Variants in PPM1F observed in about 807,000 individuals in gnomAD.
PPM1F encodes the protein protein phosphatase, Mg2+/Mn2+ dependent 1F, also known as protein phosphatase 1F.
In PPM1F, 17 loss-of-function variants were observed where a neutral mutation model predicts 35.5. The ratio of observed to expected loss-of-function variants is 0.48; its 90% CI spans 0.33 to 0.72. PPM1F has a LOEUF of 0.72. PPM1F is among the 30% of genes least tolerant of loss of function. The pLI is 0.02. For missense variants in PPM1F, 521 were observed against 613.0 expected, an observed-to-expected ratio of 0.85 and a Z score of 1.59; for synonymous variants, 241 against 255.5, an observed-to-expected ratio of 0.94 and a Z score of 0.54.
At chr22:21,949,255 T>C (rs2070810424) in intron 1 of PPM1F, 2 of 152,176 alleles carry the variant, frequency 1.3e-5, no homozygotes, top group Admixed American at 1.3e-4. Flanking sequence ...CCCAGGGCCA[T>C]CTTACTTGCT....
intron 6 of PPM1F, among the ~76,000 whole-genome samples, chr22:21,929,811 C>T (rs1475965656): frequency 6.6e-6 from 1 of 152,170 alleles, no homozygotes; most frequent in African/African-American, 2.4e-5. Context: ...AGACCGTGAG[C>T]CGCAGTGAAA....
chr22:21,930,525 T>C (rs923870723), intron 6 of PPM1F, among the ~76,000 whole-genome samples: 21 of 152,224 alleles, frequency 1.4e-4, no homozygotes, highest in African/African-American at 5.1e-4. Context: ...TCCTATGTGC[T>C]GACGTAGAAT....
Position 21,939,381 on chromosome 22 carries a change from G to A in PPM1F, c.355+151C>T, listed in dbSNP as rs1450027505. 2.1e-5 allele frequency: 22 copies of A among 1,043,374 alleles called. No individual in the cohort carries two copies. Among genetic ancestry groups the A allele is most frequent in the Non-Finnish European group, 2.8e-5 (20 of 724,356 alleles). The allele number at this position is 1,043,374 out of a possible 1,614,324, so 64.6% of individuals were successfully genotyped here. A position where few individuals can be genotyped will look rare whatever the true frequency, so the allele number is the denominator to read the frequency against. On this transcript the variant is annotated intron_variant, in intron 3 of 7. Transcript: ENST00000263212. This position sits in a 1 kb window ranked among gnomAD's most constrained non-coding sequence, Gnocchi z 5.1. The stretch of plus-strand genomic sequence containing the variant: ...CGCCACCCTCCACCTCACTGGGGCC[G>A]CAAGCCTTCTCTGCTCCTTGATTCT...
At position 21,946,107 on chromosome 22, in the gene PPM1F, C is replaced by T. The variant is rs1255675428; in HGVS notation, c.-59G>A. The T allele has an allele frequency of 7.2e-7, 1 of 1,381,790 alleles. No individual in the cohort carries two copies. The allele number at this position is 1,381,790 out of a possible 1,614,324, so 85.6% of individuals were successfully genotyped here. On this transcript the variant is annotated splice_region_variant and 5_prime_UTR_variant, in exon 2 of 8. The change creates a new upstream start codon in the 5' untranslated region. Transcript: ENST00000263212. ...AGGGCAAGAGGGTCTCCAGGCTTCA[C>T]CCTGGGGAGAAATGTCAGAGTCAGC...
intron 6 of PPM1F, among the ~76,000 whole-genome samples, chr22:21,927,727 C>T (rs1387666524): frequency 6.6e-6 from 1 of 152,238 alleles, no homozygotes; most frequent in Non-Finnish European, 1.5e-5. Context: ...CCATTCTGCA[C>T]CCCCTGTGCT....
At position 21,939,422 on chromosome 22, in the gene PPM1F, G is replaced by A. The variant is rs968714307; in HGVS notation, c.355+110C>T. 9.2e-6 allele frequency: 13 copies of A among 1,406,290 alleles called. No individual in the cohort carries two copies. The highest frequency in any genetic ancestry group is 2.2e-5 in the Admixed American group (1 of 45,752). 87.1% of individuals were successfully genotyped at this position (1,406,290 alleles called of 1,614,324 possible). A position where few individuals can be genotyped will look rare whatever the true frequency, so the allele number is the denominator to read the frequency against. On this transcript the variant is annotated intron_variant, in intron 3 of 7. Transcript: ENST00000263212. This position sits in a 1 kb window ranked among gnomAD's most constrained non-coding sequence, Gnocchi z 5.1. Reference sequence around the variant, plus strand: ...CCTTGATTCTGCTGCCGTTGTGAGCGAGGGCCCCAGCACCCTTAGGGACCC... The same window carrying A: ...CCTTGATTCTGCTGCCGTTGTGAGCAAGGGCCCCAGCACCCTTAGGGACCC...
rs1297467045 is a variant in PPM1F, at chr22:21,939,768, A to G, written c.207-88T>C. The G allele has an allele frequency of 6.8e-7, 1 of 1,481,076 alleles. No homozygotes were observed. The highest frequency in any genetic ancestry group is 1.4e-5 in the African/African-American group (1 of 71,708). The allele number at this position is 1,481,076 out of a possible 1,614,324, so 91.7% of individuals were successfully genotyped here. A position where few individuals can be genotyped will look rare whatever the true frequency, so the allele number is the denominator to read the frequency against. On this transcript the variant is annotated intron_variant, in intron 2 of 7. Transcript: ENST00000263212. The surrounding 1 kb of genome is among the most constrained non-coding windows in gnomAD (Gnocchi z 5.1). The stretch of plus-strand genomic sequence containing the variant: ...TCCCCAACTGTCAGCCCACATGCTG[A>G]GGGGTCACGGCCAGCAGGGCGGCCC...
At chr22:21,930,770 C>T (rs960337077) in intron 6 of PPM1F, among the ~76,000 whole-genome samples, 1 of 152,194 alleles carries the variant, frequency 6.6e-6, no homozygotes, top group South Asian at 2.1e-4. Context: ...AGTACAGCCC[C>T]AAGCCAGGTT....
rs117226482 is a variant in PPM1F, at chr22:21,939,157, C to T, written c.355+375G>A. On this transcript the variant is annotated intron_variant, in intron 3 of 7. Coordinates refer to ENST00000263212, the MANE Select transcript of PPM1F (RefSeq NM_014634.4). The surrounding 1 kb of genome is among the most constrained non-coding windows in gnomAD (Gnocchi z 5.1). ...GCCCGGGCGCATGTTAACTGAGTTACAACACTGAGGGCACTTGAACCTGGC... is the reference window on the plus strand; with the variant it reads ...GCCCGGGCGCATGTTAACTGAGTTATAACACTGAGGGCACTTGAACCTGGC... 1.9e-4 allele frequency: 35 copies of T among 187,224 alleles called. No homozygotes were observed. In the East Asian group the frequency reaches 5.3e-3, roughly 28 times the overall value. The allele number at this position is 187,224 out of a possible 1,614,324, so 11.6% of individuals were successfully genotyped here.
chr22:21,937,968 C>T (rs1049128569), intron 3 of PPM1F: 1 of 711,922 alleles, frequency 1.4e-6, no homozygotes, highest in Non-Finnish European at 2.0e-6. Context: ...AATCCCCACT[C>T]TGACGCAATT....
chr22:21,923,190 C>T lies in PPM1F; in HGVS notation c.1267G>A (p.Gly423Arg), dbSNP rs1194903845. The change falls in exon 8 of 8, where the codon GGG becomes AGG. Residue 423 changes from glycine (G) to arginine (R), a missense_variant. Transcript: ENST00000263212. ...TGGGGGTCCCCTTCTCCCTGGTTCC[C>T]GCCCTCCAGCAGCTCTTGGGGGTCC... is the stretch of plus-strand genomic sequence containing the variant. ...LRDPQELLEG[G>R]NQGEGDPQAE... is the part of the protein sequence containing the mutation. 21 of 1,613,510 alleles carry T rather than the reference C, an allele frequency of 1.3e-5. No individual in the cohort carries two copies. In the Admixed American group the frequency reaches 2.3e-4, roughly 18 times the overall value.
intron 3 of PPM1F, chr22:21,938,156 C>T (rs1241983721): frequency 6.9e-6 from 9 of 1,303,068 alleles, no homozygotes; most frequent in Non-Finnish European, 9.1e-6. Context: ...TGCAGGAGCC[C>T]CGAGCGTAGG....
At chr22:21,935,787 C>T (rs761685711) in intron 3 of PPM1F, 3 of 152,136 alleles carry the variant, frequency 2.0e-5, no homozygotes, top group Non-Finnish European at 4.4e-5. Flanking sequence ...ACTTGAGGTC[C>T]GGAGTTCGAG....
intron 1 of PPM1F, chr22:21,951,055 T>G: frequency 6.6e-6 from 1 of 152,200 alleles, no homozygotes; most frequent in Non-Finnish European, 1.5e-5. Flanking sequence ...ATATACACAC[T>G]ATGTATCCTT....
chr22:21,938,232 C>T, intron 3 of PPM1F: 1 of 1,302,460 alleles, frequency 7.7e-7, no homozygotes, highest in South Asian at 1.2e-5. Context: ...CCCGCGTGGA[C>T]GGACAGAGAC....
In PPM1F at chr22:21,939,450, A is replaced by G; in HGVS notation, c.355+82T>C. The G allele has an allele frequency of 1.3e-6, 2 of 1,565,788 alleles. No homozygotes were observed. Among genetic ancestry groups the G allele is most frequent in the Admixed American group, 1.8e-5 (1 of 55,946 alleles). On this transcript the variant is annotated intron_variant, in intron 3 of 7. Transcript: ENST00000263212. This position sits in a 1 kb window ranked among gnomAD's most constrained non-coding sequence, Gnocchi z 5.1. ...GGCCCCAGCACCCTTAGGGACCCCA[A>G]TCAATGGGCTTCCCACAATGTCGTC...
intron 7 of PPM1F, among the ~76,000 whole-genome samples, chr22:21,924,520 C>T (rs1240961044): frequency 1.3e-5 from 2 of 151,778 alleles, no homozygotes; most frequent in African/African-American, 4.8e-5. Context: ...ATCCACCCGC[C>T]TTGGCCTCCC....
intron 7 of PPM1F, among the ~76,000 whole-genome samples, chr22:21,924,319 G>A (rs2070484847): frequency 6.7e-6 from 1 of 150,222 alleles, no homozygotes; most frequent in South Asian, 2.1e-4. Flanking sequence ...CCAGGCTGCA[G>A]TGCAATGGTG....
At chr22:21,938,264 G>C (rs1480472828) in intron 3 of PPM1F, 1 of 1,285,730 alleles carries the variant, frequency 7.8e-7, no homozygotes. Context: ...GGAGGGCCTG[G>C]GCGGTGGCGG....
Sources: gnomAD v4.1 joint callset for allele counts (sites outside exome capture counted in the v4.1 genomes callset) on GRCh38, gnomAD v4.1.1 for gene constraint, Gnocchi (gnomAD v3.1) non-coding constraint, MANE v1.5 for transcripts, NCBI Gene and HGNC (gene_info 2026-07-23, HGNC 2026-07-21) for gene names.